KIRREL1: variants seen among roughly 807,000 people sequenced by gnomAD.
KIRREL1 encodes kirre like nephrin family adhesion molecule 1, also known as kin of IRRE-like protein 1.
KIRREL1 carries 25 observed loss-of-function variants against 83.3 expected under a neutral mutation model. That is an observed-to-expected ratio of 0.30 (90% confidence interval 0.22 to 0.42). The LOEUF (loss-of-function observed/expected upper bound fraction) is 0.42. Ranked by LOEUF, KIRREL1 falls within the 10% of genes least tolerant of loss-of-function variation. KIRREL1 has a pLI of 1.00. For missense variants in KIRREL1, 812 were observed against 1,032.3 expected (o/e 0.79, Z 2.92); for synonymous variants, 388 against 410.4 (o/e 0.95, Z 0.66).
At chr1:157,997,781 C>T (rs1233216445) in intron 1 of KIRREL1, among the ~76,000 whole-genome samples, 1 of 152,202 alleles carries the variant, frequency 6.6e-6, no homozygotes, top group Non-Finnish European at 1.5e-5. Flanking sequence ...TTATTGAGCC[C>T]TGTGTAACTA....
intron 1 of KIRREL1, among the ~76,000 whole-genome samples, chr1:158,026,089 C>T (rs987138736): frequency 1.3e-5 from 2 of 152,126 alleles, no homozygotes; most frequent in African/African-American, 4.8e-5. Context: ...GCACTGCCTT[C>T]CTCTTGACTA....
chr1:158,015,235 C>T (rs73018977), intron 1 of KIRREL1, among the ~76,000 whole-genome samples: 90 of 152,292 alleles, frequency 5.9e-4, no homozygotes, highest in African/African-American at 2.0e-3. Flanking sequence ...TCAGAGAGGG[C>T]TGTGATGTCC....
intron 1 of KIRREL1, among the ~76,000 whole-genome samples, chr1:158,037,755 C>G (rs934253377): frequency 3.3e-5 from 5 of 152,188 alleles, no homozygotes; most frequent in South Asian, 4.1e-4. Flanking sequence ...CACCCAGGCT[C>G]TTGCAGCCTC....
chr1:158,054,647 G>T (rs918521176), intron 1 of KIRREL1, among the ~76,000 whole-genome samples: 1 of 152,056 alleles, frequency 6.6e-6, no homozygotes, highest in Admixed American at 6.5e-5. Flanking sequence ...CCTCACCCAC[G>T]GTCTCCCTGG....
At chr1:158,070,573 A>G (rs1291520144) in intron 1 of KIRREL1, among the ~76,000 whole-genome samples, 3 of 152,140 alleles carry the variant, frequency 2.0e-5, no homozygotes, top group East Asian at 1.9e-4. Context: ...ACACACACAT[A>G]TGGGTAACTT....
At chr1:158,000,113 G>A (rs1267967162) in intron 1 of KIRREL1, among the ~76,000 whole-genome samples, 1 of 152,118 alleles carries the variant, frequency 6.6e-6, no homozygotes, top group African/African-American at 2.4e-5. Flanking sequence ...ACACCTACCT[G>A]TTCTGCATTA....
At chr1:158,078,454 G>A (rs1661750521) in intron 3 of KIRREL1, among the ~76,000 whole-genome samples, 1 of 152,140 alleles carries the variant, frequency 6.6e-6, no homozygotes, top group South Asian at 2.1e-4. Flanking sequence ...GACGTATGGA[G>A]TGATGGAGAC....
intron 1 of KIRREL1, among the ~76,000 whole-genome samples, chr1:158,002,283 C>A (rs1042418254): frequency 1.3e-5 from 2 of 152,224 alleles, no homozygotes; most frequent in African/African-American, 4.8e-5. Context: ...CTGTCCCCCC[C>A]AAGCTTGGGC....
At chr1:158,073,829 A>AG (rs1002930220) in intron 1 of KIRREL1, among the ~76,000 whole-genome samples, 30 of 152,266 alleles carry the variant, frequency 2.0e-4, no homozygotes, top group Admixed American at 1.7e-3. Flanking sequence ...CTTCATTCCA[A>AG]GTGGACAAGG....
chr1:158,040,960 G>A (rs1275195013), intron 1 of KIRREL1, among the ~76,000 whole-genome samples: 1 of 152,116 alleles, frequency 6.6e-6, no homozygotes, highest in Admixed American at 6.6e-5. Context: ...AACTCTAGGG[G>A]TAGGGGGAGC....
chr1:158,027,240 T>G (rs1404644197), intron 1 of KIRREL1, among the ~76,000 whole-genome samples: 2 of 152,136 alleles, frequency 1.3e-5, no homozygotes, highest in African/African-American at 4.8e-5. Context: ...CATAAAAGGA[T>G]AGTAGAAAGG....
intron 1 of KIRREL1, among the ~76,000 whole-genome samples, chr1:158,067,863 G>A (rs1053173979): frequency 4.6e-5 from 7 of 152,194 alleles, no homozygotes; most frequent in Non-Finnish European, 7.3e-5. Context: ...CCAGCCAGCC[G>A]CTGCAGCTGG....
At position 158,084,546 on chromosome 1, in the gene KIRREL1, C is replaced by A; in HGVS notation, c.477C>A (p.Asp159Glu). Residue 159 changes from aspartate to glutamate, a missense_variant, in exon 4 of 15, where the codon GAC becomes GAA. Asp to Glu is a conservative substitution (Grantham distance 45). Transcript: ENST00000359209. ...KPAATIIWFR[D>E]GTQQEGAVAS... ...CTGCCACCATCATCTGGTTCCGGGA[C>A]GGGACGCAGCAGGAGGGCGCTGTGG... 2 of 1,551,764 alleles carry A rather than the reference C, an allele frequency of 1.3e-6. No homozygotes were observed. Among genetic ancestry groups the A allele is most frequent in the East Asian group, 2.4e-5 (1 of 40,918 alleles).
At chr1:158,063,034 A>G (rs771027410) in intron 1 of KIRREL1, among the ~76,000 whole-genome samples, 1 of 152,144 alleles carries the variant, frequency 6.6e-6, no homozygotes, top group Non-Finnish European at 1.5e-5. Flanking sequence ...CTGGACTTTT[A>G]TGTTTCTGTG....
At chr1:158,034,580 C>T (rs1660424744) in intron 1 of KIRREL1, among the ~76,000 whole-genome samples, 1 of 152,194 alleles carries the variant, frequency 6.6e-6, no homozygotes, top group Non-Finnish European at 1.5e-5. Context: ...CTCCTCTCGC[C>T]AGCTGTGAGA....
intron 5 of KIRREL1, 58 bp downstream of exon 5, chr1:158,086,804 A>C: frequency 6.9e-7 from 1 of 1,451,946 alleles, no homozygotes; most frequent in Non-Finnish European, 9.4e-7. Context: ...GGTGTGTTTG[A>C]GAAGCACACT....
chr1:158,067,017 A>T (rs1661374437), intron 1 of KIRREL1, among the ~76,000 whole-genome samples: 1 of 152,172 alleles, frequency 6.6e-6, no homozygotes, highest in South Asian at 2.1e-4. Flanking sequence ...CCCATAAAAC[A>T]TTCTCAGGAG....
intron 1 of KIRREL1, among the ~76,000 whole-genome samples, chr1:158,049,885 G>A (rs1270088537): frequency 6.6e-6 from 1 of 152,096 alleles, no homozygotes; most frequent in Non-Finnish European, 1.5e-5. Flanking sequence ...CAGAAATGCA[G>A]CTGAAAAGAC....
intron 3 of KIRREL1, among the ~76,000 whole-genome samples, chr1:158,080,430 T>A (rs781151802): frequency 5.3e-5 from 8 of 152,162 alleles, no homozygotes; most frequent in Non-Finnish European, 1.0e-4. Flanking sequence ...GAAGAGTGCC[T>A]TGTTTAAAAG....
Sources: gnomAD v4.1 joint callset for allele counts (sites outside exome capture counted in the v4.1 genomes callset) on GRCh38, gnomAD v4.1.1 for gene constraint, MANE v1.5 for transcripts, NCBI Gene and HGNC (gene_info 2026-07-23, HGNC 2026-07-21) for gene names.